Variants in GRID2 observed in about 807,000 individuals in gnomAD.
GRID2 encodes the protein glutamate ionotropic receptor delta type subunit 2.
Under a neutral mutation model 114.8 loss-of-function variants are expected in GRID2, and 33 were observed. That is an observed-to-expected ratio of 0.29 (90% CI 0.22 to 0.38). GRID2 has a LOEUF of 0.38. GRID2 is among the 10% of genes least tolerant of loss of function. GRID2 has a pLI of 1.00. For missense variants in GRID2, 1,184 were observed against 1,257.7 expected, an observed-to-expected ratio of 0.94 and a Z score of 0.89; for synonymous variants, 505 against 449.9, an observed-to-expected ratio of 1.12 and a Z score of -1.55.
At chr4:92,569,939 G>A (rs529194180) in intron 1 of GRID2, among the ~76,000 whole-genome samples, 3 of 152,026 alleles carry the variant, frequency 2.0e-5, no homozygotes, top group South Asian at 4.2e-4. Context: ...ACTTTCTTTT[G>A]CTGTGCAGAA....
intron 2 of GRID2, among the ~76,000 whole-genome samples, chr4:92,645,359 A>G (rs762984680): frequency 7.9e-5 from 12 of 151,584 alleles, no homozygotes; most frequent in Non-Finnish European, 1.6e-4. Flanking sequence ...TTTTCTCCCT[A>G]TATTACCTAT....
chr4:93,520,125 T>C lies in GRID2; in HGVS notation c.2193+4714T>C, dbSNP rs1161104506. Among the ~76,000 whole-genome samples, 7 of 152,290 alleles carry C rather than the reference T, an allele frequency of 4.6e-5. No homozygotes were observed. In the South Asian group the frequency reaches 1.2e-3, roughly 27 times the overall value. On this transcript the variant is annotated intron_variant, in intron 13 of 15. Coordinates refer to ENST00000282020, the MANE Select transcript of GRID2 (RefSeq NM_001510.4). ...TACCCCAGTTTTATTCAGCTCTGGC[T>C]GAAAAATTCAGTGGACTTGAACCTG...
chr4:92,890,927 G>A (rs1315454908), intron 2 of GRID2, among the ~76,000 whole-genome samples: 1 of 152,170 alleles, frequency 6.6e-6, no homozygotes, highest in African/African-American at 2.4e-5. Context: ...GGAATACTAT[G>A]CAGCCATAAA....
chr4:92,359,560 A>C (rs745736265), intron 1 of GRID2, among the ~76,000 whole-genome samples: 1 of 151,958 alleles, frequency 6.6e-6, no homozygotes, highest in Non-Finnish European at 1.5e-5. Flanking sequence ...TTTACTAAAC[A>C]TGTGTTATGC....
intron 1 of GRID2, among the ~76,000 whole-genome samples, chr4:92,397,322 A>C (rs1252173993): frequency 6.7e-6 from 1 of 150,044 alleles, no homozygotes; most frequent in East Asian, 1.9e-4. Flanking sequence ...GAAAATTATA[A>C]TAAAACTCTG....
At position 93,698,036 on chromosome 4, in the gene GRID2, A is replaced by G. The variant is rs1348418357; in HGVS notation, c.2361-71174A>G. ...AAAAGTTTACGGGATATTTTTGGTA[A>G]CTGCACTTTCAAAACTCTTAATTAT... On this transcript the variant is annotated intron_variant, in intron 14 of 15. Transcript: ENST00000282020. Among the ~76,000 whole-genome samples the G allele has an allele frequency of 3.3e-5, 5 of 151,882 alleles. No homozygotes were observed. The East Asian group carries it at 9.7e-4, about 29-fold the overall frequency.
chr4:92,851,112 C>G (rs561149889), intron 2 of GRID2, among the ~76,000 whole-genome samples: 71 of 151,890 alleles, frequency 4.7e-4, no homozygotes, highest in African/African-American at 1.6e-3. Context: ...AGCAAATATC[C>G]TTAATTATTT....
chr4:92,600,274 C>G (rs1729164856), intron 2 of GRID2, among the ~76,000 whole-genome samples: 2 of 151,430 alleles, frequency 1.3e-5, no homozygotes, highest in South Asian at 4.2e-4. Context: ...TGTACTCATT[C>G]ATGTTATTAA....
At chr4:93,627,994 AG>A (rs1349143927) in intron 14 of GRID2, among the ~76,000 whole-genome samples, 16 of 152,124 alleles carry the variant, frequency 1.1e-4, no homozygotes, top group African/African-American at 3.6e-4. Context: ...GCCAACATGG[AG>A]AAACCCCATC....
chr4:93,227,219 A>T (rs1561012020), intron 7 of GRID2, among the ~76,000 whole-genome samples: 1 of 151,916 alleles, frequency 6.6e-6, no homozygotes. Flanking sequence ...TGCACCCTTG[A>T]TATTCTCTCC....
chr4:92,923,078 A>C (rs986018749), intron 2 of GRID2, among the ~76,000 whole-genome samples: 1 of 152,214 alleles, frequency 6.6e-6, no homozygotes, highest in Non-Finnish European at 1.5e-5. Flanking sequence ...AAACTGGAAT[A>C]TATCACCATT....
intron 2 of GRID2, among the ~76,000 whole-genome samples, chr4:92,646,753 G>A (rs376993559): frequency 6.6e-6 from 1 of 152,190 alleles, no homozygotes; most frequent in South Asian, 2.1e-4. Context: ...TATCCTTGAG[G>A]GAATTTTAAA....
chr4:92,721,286 G>A (rs372350452), intron 2 of GRID2, among the ~76,000 whole-genome samples: 5 of 152,040 alleles, frequency 3.3e-5, no homozygotes, highest in Non-Finnish European at 1.5e-5. Context: ...ACCTAAAAGT[G>A]GTTAAAATGG....
chr4:92,501,093 G>C (rs1030746533), intron 1 of GRID2, among the ~76,000 whole-genome samples: 11 of 152,128 alleles, frequency 7.2e-5, no homozygotes. Flanking sequence ...CTCAGGAGGG[G>C]TGTTGGTTAA....
Position 92,851,485 on chromosome 4 carries a change from A to G in GRID2, c.245-233510A>G, listed in dbSNP as rs565659006. 5.3e-5 allele frequency among the ~76,000 whole-genome samples: 8 copies of G among 152,072 alleles called. No individual in the cohort carries two copies. In the South Asian group the frequency reaches 8.3e-4, roughly 16 times the overall value. The stretch of plus-strand genomic sequence containing the variant: ...AATTTTTAGAGTAATCTAGTCTTCA[A>G]TTTAATAAAACATATAATAGCTTTG... On this transcript the variant is annotated intron_variant, in intron 2 of 15. Coordinates refer to ENST00000282020, the MANE Select transcript of GRID2 (RefSeq NM_001510.4).
At position 92,683,159 on chromosome 4, in the gene GRID2, C is replaced by T. The variant is rs555757132; in HGVS notation, c.244+92873C>T. Among the ~76,000 whole-genome samples the T allele has an allele frequency of 1.6e-4, 25 of 152,078 alleles. No individual in the cohort carries two copies. In the South Asian group the frequency reaches 4.0e-3, roughly 24 times the overall value. ...CTAAAAATACCAAAACTTAGCTGGGCGTGGTGGCGGGCGCCTGTAGTCCCA... is the reference window on the plus strand; with the variant it reads ...CTAAAAATACCAAAACTTAGCTGGGTGTGGTGGCGGGCGCCTGTAGTCCCA... On this transcript the variant is annotated intron_variant, in intron 2 of 15. Transcript: ENST00000282020.
chr4:92,697,443 T>C (rs999424720), intron 2 of GRID2, among the ~76,000 whole-genome samples: 1 of 152,160 alleles, frequency 6.6e-6, no homozygotes, highest in Non-Finnish European at 1.5e-5. Context: ...TGGTTTTGAT[T>C]CTTAATTGCA....
chr4:93,591,446 G>T (rs1738292127), intron 13 of GRID2, among the ~76,000 whole-genome samples: 1 of 152,040 alleles, frequency 6.6e-6, no homozygotes. Flanking sequence ...TGTGCTGCTG[G>T]ATTCGGTTTG....
chr4:93,050,292 A>G (rs187534362), intron 2 of GRID2, among the ~76,000 whole-genome samples: 2 of 152,164 alleles, frequency 1.3e-5, no homozygotes, highest in Admixed American at 1.3e-4. Context: ...TTATTCTTTT[A>G]TTTTTAATTA....
Sources: gnomAD v4.1 joint callset for allele counts (sites outside exome capture counted in the v4.1 genomes callset) on GRCh38, gnomAD v4.1.1 for gene constraint, MANE v1.5 for transcripts, NCBI Gene and HGNC (gene_info 2026-07-23, HGNC 2026-07-21) for gene names.